Variants in IL1RAPL2 observed in about 807,000 individuals in gnomAD.
IL1RAPL2 encodes X-linked interleukin-1 receptor accessory protein-like 2.
Under a neutral mutation model 44.1 loss-of-function variants are expected in IL1RAPL2, and 3 were observed. The ratio of observed to expected loss-of-function variants is 0.07; its 90% CI spans 0.03 to 0.18. The LOEUF (loss-of-function observed/expected upper bound fraction) is 0.18. Ranked by LOEUF, IL1RAPL2 falls within the 10% of genes least tolerant of loss-of-function variation. The pLI is 1.00. For synonymous variants in IL1RAPL2, 181 were observed against 178.8 expected, an observed-to-expected ratio of 1.01 and a Z score of -0.10; for missense variants, 391 against 496.4, an observed-to-expected ratio of 0.79 and a Z score of 2.02.
intron 2 of IL1RAPL2, among the ~76,000 whole-genome samples, chrX:105,098,055 C>T (rs908373212): frequency 4.5e-5 from 5 of 111,787 alleles, no homozygotes; most frequent in Non-Finnish European, 9.4e-5. Flanking sequence ...AAGAATGGAA[C>T]ATAAACCTCA....
At chrX:104,961,351 C>T (rs1006380154) in intron 2 of IL1RAPL2, among the ~76,000 whole-genome samples, 3 of 111,486 alleles carry the variant, frequency 2.7e-5, no homozygotes, top group Non-Finnish European at 5.6e-5. Context: ...TTTTTTGTGT[C>T]TTGTTTGACC....
chrX:104,582,822 C>CTTTCTT (rs748809592), intron 1 of IL1RAPL2, among the ~76,000 whole-genome samples: 5 of 40,663 alleles, frequency 1.2e-4, no homozygotes, highest in African/African-American at 4.3e-4. Flanking sequence ...TCCTTTCTTT[C>CTTTCTT]TCTTTCTTTC....
intron 2 of IL1RAPL2, among the ~76,000 whole-genome samples, chrX:105,116,721 T>A (rs1214963104): frequency 8.9e-6 from 1 of 112,713 alleles, no homozygotes. Context: ...AAAAAAATAT[T>A]TGTTTTGCAA....
chrX:105,128,572 G>C (rs2032997983), intron 2 of IL1RAPL2, among the ~76,000 whole-genome samples: 1 of 111,120 alleles, frequency 9.0e-6, no homozygotes, highest in Non-Finnish European at 1.9e-5. Flanking sequence ...GTATAGTGTT[G>C]TGAGCTCTGG....
intron 2 of IL1RAPL2, among the ~76,000 whole-genome samples, chrX:104,780,015 A>G (rs1932762119): frequency 8.9e-6 from 1 of 111,946 alleles, no homozygotes; most frequent in Non-Finnish European, 1.9e-5. Context: ...GTGAAAGAAG[A>G]CTAAATGAAA....
In IL1RAPL2 at chrX:104,952,751, G is replaced by C. The variant is rs1007111652; in HGVS notation, c.83-242724G>C. The stretch of plus-strand genomic sequence containing the variant: ...ATACCATTAAAAAGAAAGATGCTAA[G>C]TCCTTCTTATGCACAACTTACAAAA... On this transcript the variant is annotated intron_variant, in intron 2 of 10. Coordinates refer to ENST00000372582, the MANE Select transcript of IL1RAPL2 (RefSeq NM_017416.2). Among the ~76,000 whole-genome samples, 6 of 111,891 alleles carry C rather than the reference G, an allele frequency of 5.4e-5. No homozygotes were observed. In the Admixed American group the frequency reaches 5.7e-4, roughly 11 times the overall value.
intron 6 of IL1RAPL2, among the ~76,000 whole-genome samples, chrX:105,702,729 G>T (rs1048369142): frequency 9.0e-6 from 1 of 111,606 alleles, no homozygotes; most frequent in Non-Finnish European, 1.9e-5. Flanking sequence ...TCCAAACTTA[G>T]TGTACATTTT....
At chrX:105,037,911 T>A (rs1226031627) in intron 2 of IL1RAPL2, among the ~76,000 whole-genome samples, 1 of 110,931 alleles carries the variant, frequency 9.0e-6, no homozygotes, top group Non-Finnish European at 1.9e-5. Flanking sequence ...AGAGGAGGAG[T>A]AGGAGGGGAC....
At chrX:105,258,124 G>T (rs1314392710) in intron 4 of IL1RAPL2, among the ~76,000 whole-genome samples, 1 of 111,781 alleles carries the variant, frequency 8.9e-6, no homozygotes, top group African/African-American at 3.3e-5. Flanking sequence ...GGCAGTTCTG[G>T]TGGTAATGAA....
chrX:105,751,928 T>C (rs1191981187), intron 9 of IL1RAPL2, among the ~76,000 whole-genome samples: 4 of 112,136 alleles, frequency 3.6e-5, no homozygotes, highest in Admixed American at 9.5e-5. Context: ...AACCATATGC[T>C]TTTTCTTCAT....
intron 5 of IL1RAPL2, among the ~76,000 whole-genome samples, chrX:105,439,597 A>G (rs757566110): frequency 9.0e-6 from 1 of 110,747 alleles, no homozygotes; most frequent in East Asian, 2.8e-4. Flanking sequence ...AAGTTAGGAG[A>G]ACCTCCTTAA....
At position 105,203,320 on chromosome X, in the gene IL1RAPL2, G is replaced by A. The variant is rs1043690979; in HGVS notation, c.356+7572G>A. Among the ~76,000 whole-genome samples the A allele has an allele frequency of 4.5e-5, 5 of 111,227 alleles. No individual in the cohort carries two copies. In the South Asian group the frequency reaches 1.9e-3, roughly 42 times the overall value. On this transcript the variant is annotated intron_variant, in intron 3 of 10. Transcript: ENST00000372582. ...AGCATGTATACAGATCAGTATTTAT[G>A]CCATCTAAAAAAAATCCTCTCTACT... is the stretch of plus-strand genomic sequence containing the variant.
chrX:105,305,419 TC>T (rs2147676860), intron 5 of IL1RAPL2, among the ~76,000 whole-genome samples: 1 of 111,464 alleles, frequency 9.0e-6, no homozygotes, highest in South Asian at 3.8e-4. Flanking sequence ...GACACTTTCA[TC>T]TTTAAAATAT....
chrX:104,602,506 T>C (rs1028220962), intron 1 of IL1RAPL2, among the ~76,000 whole-genome samples: 8 of 111,503 alleles, frequency 7.2e-5, no homozygotes, highest in African/African-American at 2.6e-4. Flanking sequence ...AAAAGGGTGC[T>C]GAAGCCAGGG....
chrX:105,523,711 T>C (rs757614044), intron 6 of IL1RAPL2, among the ~76,000 whole-genome samples: 6 of 111,343 alleles, frequency 5.4e-5, no homozygotes, highest in African/African-American at 2.0e-4. Context: ...AAGAAGGCCA[T>C]TGCGTTTGAT....
chrX:105,574,315 T>C (rs1373022724), intron 6 of IL1RAPL2, among the ~76,000 whole-genome samples: 1 of 110,964 alleles, frequency 9.0e-6, no homozygotes, highest in African/African-American at 3.3e-5. Flanking sequence ...TTCTTGAGGA[T>C]AGGAAAGAAT....
Position 105,521,809 on chromosome X carries a change from G to A in IL1RAPL2, c.772+37422G>A, listed in dbSNP as rs188620948. Among the ~76,000 whole-genome samples, 925 of 112,077 alleles carry A rather than the reference G, an allele frequency of 8.3e-3. 9 individuals carry two copies. The highest frequency in any genetic ancestry group is 0.029 in the African/African-American group (881 of 30,864). ...TGGGCAGTTCTTTATACCAGTATGA[G>A]AATGGACTAATACCGTGATGTAAAT... On this transcript the variant is annotated intron_variant, in intron 6 of 10. Coordinates refer to ENST00000372582, the MANE Select transcript of IL1RAPL2 (RefSeq NM_017416.2).
chrX:105,689,999 G>A (rs762574200), intron 6 of IL1RAPL2, among the ~76,000 whole-genome samples: 119 of 111,036 alleles, frequency 1.1e-3, no homozygotes, highest in Non-Finnish European at 1.7e-3. Context: ...GTTCTCACTC[G>A]TAGGTGGGAA....
intron 1 of IL1RAPL2, among the ~76,000 whole-genome samples, chrX:104,615,136 T>A (rs1237433892): frequency 2.7e-5 from 3 of 111,845 alleles, no homozygotes. Flanking sequence ...TTTGTTTCCA[T>A]GTTTAGAAAT....
Sources: gnomAD v4.1 joint callset for allele counts (sites outside exome capture counted in the v4.1 genomes callset) on GRCh38, gnomAD v4.1.1 for gene constraint, MANE v1.5 for transcripts, NCBI Gene and HGNC (gene_info 2026-07-23, HGNC 2026-07-21) for gene names.